The following CFAP61 variants were observed in gnomAD, a reference collection of about 807,000 sequenced individuals.
The protein encoded by CFAP61 is cilia- and flagella-associated protein 61.
Under a neutral mutation model 135.6 loss-of-function variants are expected in CFAP61, and 107 were observed. The ratio of observed to expected loss-of-function variants is 0.79; its 90% CI spans 0.67 to 0.93. CFAP61 has a LOEUF of 0.93. Among genes scored for constraint, CFAP61 ranks in the 40% least tolerant of loss-of-function variants. The probability of loss-of-function intolerance (pLI) is 0.00; values close to 1 mark genes in which losing one functional copy is unlikely to be tolerated. For synonymous variants in CFAP61, 575 were observed against 578.5 expected (o/e 0.99, Z 0.09); for missense variants, 1,507 against 1,556.2 (o/e 0.97, Z 0.53).
At chr20:20,149,195 AG>A (rs2052178706) in intron 9 of CFAP61, among the ~76,000 whole-genome samples, 1 of 152,228 alleles carries the variant, frequency 6.6e-6, no homozygotes, top group African/African-American at 2.4e-5. Context: ...CTATAAAACA[AG>A]ACTCAATAAA....
In CFAP61 at chr20:20,254,817, G is replaced by A. The variant is rs144854838; in HGVS notation, c.2328+3054G>A. Among the ~76,000 whole-genome samples, 497 of 152,266 alleles carry A rather than the reference G, an allele frequency of 3.3e-3. 7 individuals are homozygous for A. The highest frequency in any genetic ancestry group is 0.029 in the Admixed American group (445 of 15,302). Reference sequence around the variant, plus strand: ...TCTAATCAGACCTTTTAAATGGCACGCCTCACTCTAAATTGTTGTGTAATG... The same window carrying A: ...TCTAATCAGACCTTTTAAATGGCACACCTCACTCTAAATTGTTGTGTAATG... On this transcript the variant is annotated intron_variant, in intron 20 of 26. Coordinates refer to ENST00000245957, the MANE Select transcript of CFAP61 (RefSeq NM_015585.4).
At chr20:20,255,635 G>A (rs2051482445) in intron 20 of CFAP61, among the ~76,000 whole-genome samples, 1 of 152,124 alleles carries the variant, frequency 6.6e-6, no homozygotes, top group African/African-American at 2.4e-5. Flanking sequence ...ATCTACACCA[G>A]TGCTGTACCT....
At position 20,187,967 on chromosome 20, in the gene CFAP61, C is replaced by G. The variant is rs1462356713; in HGVS notation, c.1423C>G (p.Pro475Ala). The G allele has an allele frequency of 6.2e-7, 1 of 1,613,214 alleles. No individual in the cohort carries two copies. The highest frequency in any genetic ancestry group is 1.3e-5 in the African/African-American group (1 of 74,914). Residue 475 changes from proline to alanine, a missense_variant, in exon 14 of 27, where the codon CCT becomes GCT. By Grantham distance (27) the Pro-to-Ala change is conservative. Transcript: ENST00000245957. ...AAGATTTGCCACTCTCTTGGATACT[C>G]CTGGTGTGGAAAATCTTGTCAGCAC... ...NIRFATLLDTPGVENLVSTLM... is the reference protein window; with the variant it reads ...NIRFATLLDTAGVENLVSTLM...
intron 20 of CFAP61, among the ~76,000 whole-genome samples, chr20:20,261,586 T>C (rs1248839343): frequency 1.3e-5 from 2 of 152,176 alleles, no homozygotes; most frequent in African/African-American, 2.4e-5. Context: ...TGGTGGCCCA[T>C]TTGGGGAACC....
At chr20:20,130,370 T>C (rs1034719877) in intron 8 of CFAP61, among the ~76,000 whole-genome samples, 1 of 151,832 alleles carries the variant, frequency 6.6e-6, no homozygotes. Flanking sequence ...TATTGCCGTC[T>C]TATTAGGGTC....
intron 13 of CFAP61, among the ~76,000 whole-genome samples, chr20:20,187,485 G>A (rs936289727): frequency 2.0e-5 from 3 of 152,112 alleles, no homozygotes; most frequent in Non-Finnish European, 2.9e-5. Context: ...ATTTTTGAAC[G>A]GTGGCCTCAG....
At chr20:20,330,722 C>T (rs1255029872) in intron 25 of CFAP61, among the ~76,000 whole-genome samples, 7 of 152,258 alleles carry the variant, frequency 4.6e-5, no homozygotes, top group South Asian at 4.2e-4. Context: ...GCAGGTGCAG[C>T]GGTGGGCCTC....
chr20:20,071,845 T>C (rs2045727516), intron 3 of CFAP61, among the ~76,000 whole-genome samples: 1 of 152,194 alleles, frequency 6.6e-6, no homozygotes, highest in Admixed American at 6.5e-5. Flanking sequence ...CCTGCCACCC[T>C]GTATACCTAA....
intron 9 of CFAP61, among the ~76,000 whole-genome samples, chr20:20,147,978 G>T (rs1213817524): frequency 3.3e-5 from 5 of 152,088 alleles, no homozygotes; most frequent in Admixed American, 2.0e-4. Context: ...TGACTTGCCA[G>T]TTTTCTCAGC....
chr20:20,108,989 T>C (rs2048601495), intron 8 of CFAP61, among the ~76,000 whole-genome samples: 1 of 152,232 alleles, frequency 6.6e-6, no homozygotes, highest in Non-Finnish European at 1.5e-5. Context: ...CTGCAGTTAC[T>C]TGTCATATTG....
intron 8 of CFAP61, among the ~76,000 whole-genome samples, chr20:20,114,369 A>C (rs1038846004): frequency 6.6e-6 from 1 of 152,236 alleles, no homozygotes; most frequent in Non-Finnish European, 1.5e-5. Context: ...TGACATTTTT[A>C]TAATATATTA....
chr20:20,096,556 C>T (rs1199662535), intron 7 of CFAP61, among the ~76,000 whole-genome samples: 3 of 152,230 alleles, frequency 2.0e-5, no homozygotes, highest in African/African-American at 7.2e-5. Context: ...CGCTGTGAAG[C>T]CAGCAAAAGG....
At chr20:20,171,680 C>G in intron 13 of CFAP61, 1 of 483,570 alleles carries the variant, frequency 2.1e-6, no homozygotes, top group Non-Finnish European at 3.7e-6. Flanking sequence ...AATGCATTAA[C>G]AAAGAGGCAC....
intron 13 of CFAP61, 89 bp from the exon 14 acceptor site, chr20:20,187,841 T>A: frequency 1.0e-6 from 1 of 960,826 alleles, no homozygotes; most frequent in African/African-American, 1.6e-5. Context: ...TTATTTTATA[T>A]AAGTGTGATA....
intron 21 of CFAP61, among the ~76,000 whole-genome samples, chr20:20,275,923 A>C (rs1278866671): frequency 6.6e-6 from 1 of 152,182 alleles, no homozygotes. Context: ...GCATTGTAGC[A>C]TCTGAACAGA....
intron 9 of CFAP61, among the ~76,000 whole-genome samples, chr20:20,151,829 C>A (rs866680472): frequency 2.2e-3 from 115 of 53,320 alleles, no homozygotes; most frequent in East Asian, 0.016. Flanking sequence ...GACTCCGTCT[C>A]AAAAAAAAAA....
chr20:20,255,836 C>A (rs2051501135), intron 20 of CFAP61, among the ~76,000 whole-genome samples: 1 of 152,178 alleles, frequency 6.6e-6, no homozygotes, highest in South Asian at 2.1e-4. Flanking sequence ...GTCTCCTCTC[C>A]TTGAATCTGG....
At chr20:20,218,555 G>T (rs937968291) in intron 17 of CFAP61, among the ~76,000 whole-genome samples, 22 of 152,292 alleles carry the variant, frequency 1.4e-4, no homozygotes, top group African/African-American at 5.3e-4. Context: ...ACAGAACCAT[G>T]AGCCAAATGA....
At chr20:20,157,272 T>C (rs1381050903) in intron 9 of CFAP61, among the ~76,000 whole-genome samples, 2 of 152,058 alleles carry the variant, frequency 1.3e-5, no homozygotes, top group Admixed American at 6.5e-5. Context: ...GGGGGTTTGC[T>C]ATGTTGGCCA....
Sources: gnomAD v4.1 joint callset for allele counts (sites outside exome capture counted in the v4.1 genomes callset) on GRCh38, gnomAD v4.1.1 for gene constraint, MANE v1.5 for transcripts, NCBI Gene and HGNC (gene_info 2026-07-23, HGNC 2026-07-21) for gene names.